The following FAM83B variants were observed in gnomAD, a reference collection of about 807,000 sequenced individuals.
FAM83B encodes the protein protein FAM83B.
In FAM83B, 26 loss-of-function variants were observed where a neutral mutation model predicts 38.8. That is an observed-to-expected ratio of 0.67 (90% CI 0.49 to 0.93). The LOEUF is 0.93. Among genes scored for constraint, FAM83B ranks in the 40% least tolerant of loss-of-function variants. FAM83B has a pLI of 0.00. For missense variants in FAM83B, 1,237 were observed against 1,197.3 expected (o/e 1.03, Z -0.49); for synonymous variants, 419 against 423.1 (o/e 0.99, Z 0.12).
chr6:54,859,357 G>A (rs902745429), intron 1 of FAM83B, among the ~76,000 whole-genome samples: 3 of 152,156 alleles, frequency 2.0e-5, no homozygotes, highest in Non-Finnish European at 4.4e-5. Flanking sequence ...ACTGCACCCG[G>A]CCACGGGTAT....
At chr6:54,871,396 A>G (rs967477539) in intron 2 of FAM83B, among the ~76,000 whole-genome samples, 5 of 151,556 alleles carry the variant, frequency 3.3e-5, no homozygotes, top group African/African-American at 4.9e-5. Context: ...CTACAAAAAA[A>G]TTTGCCAAGC....
chr6:54,911,167 A>G (rs9396005), intron 2 of FAM83B, among the ~76,000 whole-genome samples: 25 of 55,262 alleles, frequency 4.5e-4, no homozygotes, highest in African/African-American at 1.1e-3. Flanking sequence ...GTGTGTGTGT[A>G]TGTGTAATAG....
At chr6:54,855,034 A>G (rs2127571901) in intron 1 of FAM83B, among the ~76,000 whole-genome samples, 1 of 152,316 alleles carries the variant, frequency 6.6e-6, no homozygotes, top group East Asian at 1.9e-4. Context: ...CAAATTATAA[A>G]CATCCTGTCA....
chr6:54,932,395 T>G (rs1200135772), intron 4 of FAM83B, among the ~76,000 whole-genome samples: 1 of 152,206 alleles, frequency 6.6e-6, no homozygotes, highest in African/African-American at 2.4e-5. Context: ...CCTTTATAGC[T>G]CTATTCCTCA....
At chr6:54,908,705 T>G (rs1772831841) in intron 2 of FAM83B, among the ~76,000 whole-genome samples, 1 of 152,294 alleles carries the variant, frequency 6.6e-6, no homozygotes. Flanking sequence ...GCCAGAAGTT[T>G]GAGGCAGGAT....
At chr6:54,874,302 T>G (rs543781762) in intron 2 of FAM83B, among the ~76,000 whole-genome samples, 4 of 152,316 alleles carry the variant, frequency 2.6e-5, no homozygotes, top group African/African-American at 9.6e-5. Flanking sequence ...GTTTGCTTAT[T>G]TTGTTTGAGA....
chr6:54,861,487 G>A (rs551872671), intron 1 of FAM83B, among the ~76,000 whole-genome samples: 10 of 152,234 alleles, frequency 6.6e-5, no homozygotes, highest in Non-Finnish European at 1.2e-4. Context: ...AGCCCAGGAG[G>A]TGGAGGTTGC....
intron 2 of FAM83B, among the ~76,000 whole-genome samples, chr6:54,920,029 C>T (rs1429743306): frequency 6.6e-6 from 1 of 151,892 alleles, no homozygotes; most frequent in Non-Finnish European, 1.5e-5. Flanking sequence ...ATTATTAATA[C>T]ATCCATAATG....
intron 4 of FAM83B, among the ~76,000 whole-genome samples, chr6:54,938,495 A>T (rs1227289987): frequency 6.6e-6 from 1 of 152,080 alleles, no homozygotes; most frequent in Non-Finnish European, 1.5e-5. Context: ...GAGTGTAAAA[A>T]TGTTCTCTTT....
intron 2 of FAM83B, among the ~76,000 whole-genome samples, chr6:54,918,390 C>T (rs1216297504): frequency 6.6e-6 from 1 of 152,126 alleles, no homozygotes; most frequent in African/African-American, 2.4e-5. Flanking sequence ...CATTCTCACA[C>T]TGCTATGAAG....
At chr6:54,885,061 T>C (rs1320007729) in intron 2 of FAM83B, among the ~76,000 whole-genome samples, 3 of 152,084 alleles carry the variant, frequency 2.0e-5, no homozygotes, top group South Asian at 2.1e-4. Flanking sequence ...CGTGAGCCAC[T>C]GCGCCCGGCC....
rs117474230 is a variant in FAM83B, at chr6:54,889,447, C to T, written c.444+18757C>T. Among the ~76,000 whole-genome samples the T allele has an allele frequency of 1.0e-3, 156 of 152,064 alleles. 1 individual carries two copies. In the East Asian group the frequency reaches 0.011, roughly 11 times the overall value. ...ATCCCTGTGTTTAAAATAACACTAC[C>T]GCAGAGTATTGGTTCCAGGACGCCC... On this transcript the variant is annotated intron_variant, in intron 2 of 4. Transcript: ENST00000306858.
In FAM83B at chr6:54,927,503, T is replaced by C; in HGVS notation, c.610-5T>C. 6.3e-7 allele frequency: 1 copy of C among 1,589,734 alleles called. No individual in the cohort carries two copies. The highest frequency in any genetic ancestry group is 8.6e-7 in the Non-Finnish European group (1 of 1,165,886). On this transcript the variant is annotated splice_polypyrimidine_tract_variant and splice_region_variant and intron_variant, in intron 3 of 4. Coordinates refer to ENST00000306858, the MANE Select transcript of FAM83B (RefSeq NM_001010872.3). The stretch of plus-strand genomic sequence containing the variant: ...TGTCTGCTTTTTATTTACATATAAT[T>C]CTAGAATATTCGAGTGCGAACAGTA...
At chr6:54,883,117 T>C (rs773217217) in intron 2 of FAM83B, among the ~76,000 whole-genome samples, 4 of 151,908 alleles carry the variant, frequency 2.6e-5, no homozygotes, top group Admixed American at 6.6e-5. Flanking sequence ...TTTTTGTTTT[T>C]GTATTTTTAG....
chr6:54,909,421 G>A (rs952343365), intron 2 of FAM83B, among the ~76,000 whole-genome samples: 3 of 152,032 alleles, frequency 2.0e-5, no homozygotes, highest in South Asian at 2.1e-4. Flanking sequence ...TGGTGAAACC[G>A]CAATTACTTC....
chr6:54,854,466 A>G (rs552200740), intron 1 of FAM83B, among the ~76,000 whole-genome samples: 219 of 152,328 alleles, frequency 1.4e-3, no homozygotes, highest in Admixed American at 3.7e-3. Context: ...CACCACCCTG[A>G]TCAGTCAGCA....
chr6:54,937,569 T>C (rs1773551808), intron 4 of FAM83B, among the ~76,000 whole-genome samples: 1 of 152,026 alleles, frequency 6.6e-6, no homozygotes, highest in Non-Finnish European at 1.5e-5. Flanking sequence ...GAGATAACAG[T>C]CTGAAAATTT....
intron 1 of FAM83B, among the ~76,000 whole-genome samples, chr6:54,856,881 AAC>A (rs1238137258): frequency 1.3e-5 from 2 of 152,164 alleles, no homozygotes; most frequent in Non-Finnish European, 2.9e-5. Flanking sequence ...ATGGCTCTTT[AAC>A]CAAGTGAAAA....
intron 1 of FAM83B, among the ~76,000 whole-genome samples, chr6:54,866,065 TCTC>T (rs1284319309): frequency 3.3e-5 from 5 of 151,856 alleles, no homozygotes; most frequent in Non-Finnish European, 7.4e-5. Context: ...CTGTTGTTAT[TCTC>T]CTCTCTACAT....
Sources: gnomAD v4.1 joint callset for allele counts (sites outside exome capture counted in the v4.1 genomes callset) on GRCh38, gnomAD v4.1.1 for gene constraint, MANE v1.5 for transcripts, NCBI Gene and HGNC (gene_info 2026-07-23, HGNC 2026-07-21) for gene names.